DAB1: variants seen among roughly 807,000 people sequenced by gnomAD.
DAB1 encodes disabled homolog 1.
A neutral mutation model predicts 64.6 loss-of-function variants in DAB1; 15 were observed. That is an observed-to-expected ratio of 0.23 (90% CI 0.16 to 0.36). The LOEUF is 0.36. DAB1 is among the 10% of genes least tolerant of loss of function. The pLI is 1.00. For synonymous variants in DAB1, 235 were observed against 251.9 expected (o/e 0.93, Z 0.64); for missense variants, 596 against 706.7 (o/e 0.84, Z 1.78).
At chr1:57,253,700 G>GT (rs1488590428) in intron 2 of DAB1, among the ~76,000 whole-genome samples, 4 of 152,138 alleles carry the variant, frequency 2.6e-5, no homozygotes, top group Non-Finnish European at 5.9e-5. Context: ...TATGGTTAGT[G>GT]TATCTATTTT....
chr1:57,321,590 A>T (rs1228391693), intron 1 of DAB1, among the ~76,000 whole-genome samples: 2 of 152,204 alleles, frequency 1.3e-5, no homozygotes, highest in African/African-American at 4.8e-5. Context: ...ACAGAATCTT[A>T]GAGATGGAAG....
chr1:57,156,313 C>T (rs1008980790), intron 2 of DAB1, among the ~76,000 whole-genome samples: 4 of 152,150 alleles, frequency 2.6e-5, no homozygotes, highest in Non-Finnish European at 5.9e-5. Context: ...TGCCCTCTTG[C>T]CCCCACCCTT....
intron 5 of DAB1, among the ~76,000 whole-genome samples, chr1:58,110,628 T>C (rs1159517597): frequency 1.3e-5 from 2 of 152,218 alleles, no homozygotes; most frequent in Non-Finnish European, 2.9e-5. Flanking sequence ...TGGATTCAAA[T>C]CTGATCCTAG....
intron 4 of DAB1, among the ~76,000 whole-genome samples, chr1:57,133,561 C>G (rs1570752445): frequency 6.6e-6 from 1 of 152,254 alleles, no homozygotes; most frequent in East Asian, 1.9e-4. Flanking sequence ...GATTTATTCC[C>G]TGCAACAAGC....
At chr1:58,354,552 A>G (rs143341751) in intron 3 of DAB1, among the ~76,000 whole-genome samples, 1 of 152,206 alleles carries the variant, frequency 6.6e-6, no homozygotes, top group African/African-American at 2.4e-5. Flanking sequence ...TATAATAGAT[A>G]TGCAAATATT....
chr1:57,016,194 G>T (rs764121336), intron 11 of DAB1, among the ~76,000 whole-genome samples: 3 of 151,998 alleles, frequency 2.0e-5, no homozygotes, highest in Admixed American at 6.6e-5. Flanking sequence ...TACTTATTAC[G>T]TTGCTTAATA....
intron 5 of DAB1, among the ~76,000 whole-genome samples, chr1:58,145,917 G>C (rs1654563761): frequency 6.6e-6 from 1 of 152,274 alleles, no homozygotes; most frequent in African/African-American, 2.4e-5. Context: ...CCACCCATGA[G>C]ATAGCAAGAC....
intron 6 of DAB1, among the ~76,000 whole-genome samples, chr1:57,773,342 T>TACAC (rs1491470266): frequency 9.5e-6 from 1 of 105,484 alleles, no homozygotes; most frequent in Non-Finnish European, 2.0e-5. Context: ...TATTGAGTTG[T>TACAC]ATACACACAC....
chr1:57,341,863 C>T (rs1355018527), intron 1 of DAB1, among the ~76,000 whole-genome samples: 1 of 152,160 alleles, frequency 6.6e-6, no homozygotes. Context: ...ATGCTATAGA[C>T]AGCACGCTGT....
At chr1:56,999,793 G>A (rs1645775512) in intron 14 of DAB1, among the ~76,000 whole-genome samples, 1 of 152,122 alleles carries the variant, frequency 6.6e-6, no homozygotes, top group African/African-American at 2.4e-5. Flanking sequence ...CCAATTTCTG[G>A]TTCCTCTAGA....
rs181190893 is a variant in DAB1 at position 58,151,311 on chromosome 1, A to G, written n.310-723T>C. The stretch of plus-strand genomic sequence containing the variant: ...TGAACTAGTTTACAGTCCCACCAAC[A>G]GTGTAAAAGTGTTCCTATTTCTCCA... On this transcript the variant is annotated intron_variant and non_coding_transcript_variant, in intron 4 of 20. Coordinates refer to the DAB1 transcript ENST00000485760. Among the ~76,000 whole-genome samples, 220 of 152,324 alleles carry G rather than the reference A, an allele frequency of 1.4e-3. 1 individual carries two copies. Among genetic ancestry groups the G allele is most frequent in the Non-Finnish European group, 2.0e-3 (135 of 68,030 alleles).
intron 1 of DAB1, among the ~76,000 whole-genome samples, chr1:57,871,508 G>A (rs375236475): frequency 1.3e-5 from 2 of 152,134 alleles, no homozygotes; most frequent in Admixed American, 6.6e-5. Flanking sequence ...TAGAACCTGC[G>A]CATCAATCAC....
At chr1:57,983,117 T>C (rs890004317) in intron 5 of DAB1, among the ~76,000 whole-genome samples, 1 of 152,170 alleles carries the variant, frequency 6.6e-6, no homozygotes, top group African/African-American at 2.4e-5. Context: ...TCATTCCTCT[T>C]TAGGAAGGCA....
At chr1:58,480,731 T>C (rs1645465571) in intron 3 of DAB1, 1 of 345,926 alleles carries the variant, frequency 2.9e-6, no homozygotes, top group Non-Finnish European at 5.2e-6. Context: ...AAATGTGTAA[T>C]ATAAATTTAT....
chr1:57,426,421 A>G (rs1284059996), upstream of DAB1, among the ~76,000 whole-genome samples: 8 of 152,212 alleles, frequency 5.3e-5, no homozygotes, highest in Admixed American at 5.2e-4. Flanking sequence ...AACTAAACCA[A>G]ATCTTAAAGG....
intron 1 of DAB1, among the ~76,000 whole-genome samples, chr1:58,543,548 C>T (rs1169488000): frequency 6.6e-6 from 1 of 152,102 alleles, no homozygotes; most frequent in African/African-American, 2.4e-5. Flanking sequence ...CCACTAACCC[C>T]TCCCACTACA....
chr1:57,614,849 C>CTTCT (rs147130843), intron 7 of DAB1, among the ~76,000 whole-genome samples: 2 of 116,828 alleles, frequency 1.7e-5, no homozygotes, highest in African/African-American at 3.0e-5. Flanking sequence ...CCATTTTTGC[C>CTTCT]TTCTTTCTTT....
intron 5 of DAB1, among the ~76,000 whole-genome samples, chr1:58,026,329 T>A (rs2100466804): frequency 6.6e-6 from 1 of 152,216 alleles, no homozygotes; most frequent in Non-Finnish European, 1.5e-5. Context: ...GCAAGAGGTT[T>A]CAATCTAGGC....
At chr1:57,380,435 A>G (rs1172279722) in intron 1 of DAB1, among the ~76,000 whole-genome samples, 1 of 152,210 alleles carries the variant, frequency 6.6e-6, no homozygotes, top group Non-Finnish European at 1.5e-5. Context: ...ACTACTTTGT[A>G]CTTTTTACCA....
Sources: gnomAD v4.1 joint callset for allele counts (sites outside exome capture counted in the v4.1 genomes callset) on GRCh38, gnomAD v4.1.1 for gene constraint, MANE v1.5 for transcripts, NCBI Gene and HGNC (gene_info 2026-07-23, HGNC 2026-07-21) for gene names.